Variants in CEACAM18 observed in about 807,000 individuals in gnomAD.
CEACAM18 encodes the protein cell adhesion molecule CEACAM18.
Under a neutral mutation model 34.3 loss-of-function variants are expected in CEACAM18, and 33 were observed. The ratio of observed to expected loss-of-function variants is 0.96; its 90% confidence interval spans 0.73 to 1.29. The LOEUF (loss-of-function observed/expected upper bound fraction) is 1.29. CEACAM18 is among the 50% of genes most tolerant of loss of function. The pLI is 0.00. For missense variants in CEACAM18, 474 were observed against 485.0 expected, an observed-to-expected ratio of 0.98 and a Z score of 0.21; for synonymous variants, 169 against 180.9, an observed-to-expected ratio of 0.93 and a Z score of 0.53.
rs748476813 is a variant in CEACAM18, at chr19:51,481,543, C to A, written c.551C>A (p.Ser184Tyr). Residue 184 changes from serine (S) to tyrosine (Y), a missense_variant, in exon 3 of 6, where the codon TCC (serine) becomes TAC (tyrosine). Transcript: ENST00000396477. ...TCTAGTAGTGACCGGATGACAATTTCCCCAGACGGCAAGACCCTCGTCATC... is the reference window on the plus strand; with the variant it reads ...TCTAGTAGTGACCGGATGACAATTTACCCAGACGGCAAGACCCTCGTCATC... 6.2e-6 allele frequency: 10 copies of A among 1,613,970 alleles called. No homozygotes were observed. The Admixed American group carries it at 1.5e-4, about 24-fold the overall frequency.
rs1568524875 is a variant in CEACAM18 at position 51,485,130 on chromosome 19, C to T, written c.1089+8C>T. 4 of 1,499,108 alleles carry T rather than the reference C, an allele frequency of 2.7e-6. No homozygotes were observed. Among genetic ancestry groups the T allele is most frequent in the Non-Finnish European group, 2.7e-6 (3 of 1,126,392 alleles). The allele number at this position is 1,499,108 out of a possible 1,614,324, so 92.9% of individuals were successfully genotyped here. On this transcript the variant is annotated splice_region_variant and intron_variant, in intron 5 of 5. Transcript: ENST00000396477. The stretch of plus-strand genomic sequence containing the variant: ...CAACCACTACTCAATCAGGTGCCCT[C>T]ATTGCTCTGGGACAAGGGTGGGATG...
chr19:51,485,971 T>C (rs1989993048), intron 5 of CEACAM18, among the ~76,000 whole-genome samples: 1 of 152,160 alleles, frequency 6.6e-6, no homozygotes, highest in Non-Finnish European at 1.5e-5. Context: ...GAGTAGATGT[T>C]AGAAAGTGCA....
rs1357801496 is a variant in CEACAM18 at position 51,481,652 on chromosome 19, TCTGA to T, written c.664_667del (p.Thr222TrpfsTer10). 1.9e-6 allele frequency: 3 copies of T among 1,612,004 alleles called. No individual in the cohort carries two copies. The highest frequency in any genetic ancestry group is 2.2e-5 in the South Asian group (2 of 90,992). ...TCTTTCAGAGAAGTGAACGCATCTC[TCTGA>T]CTGTGGCCTGTGAGTGGTCTGGGCT... is the stretch of plus-strand genomic sequence containing the variant. On this transcript the variant is annotated frameshift_variant, in exon 3 of 6. Coordinates refer to ENST00000396477, the Ensembl canonical transcript of CEACAM18. LOFTEE classifies it high-confidence loss of function.
chr19:51,480,888 A>G (rs915783298), intron 2 of CEACAM18, among the ~76,000 whole-genome samples: 1 of 152,156 alleles, frequency 6.6e-6, no homozygotes, highest in Non-Finnish European at 1.5e-5. Flanking sequence ...TGTATTTGAC[A>G]GTGGCTGCAA....
At chr19:51,483,850 T>C (rs1253617654) in intron 4 of CEACAM18, among the ~76,000 whole-genome samples, 1 of 152,088 alleles carries the variant, frequency 6.6e-6, no homozygotes, top group African/African-American at 2.4e-5. Context: ...AAACTTGGCT[T>C]GGGAGTGAAT....
chr19:51,486,556 G>A (rs1424657169), intron 5 of CEACAM18, among the ~76,000 whole-genome samples: 1 of 152,032 alleles, frequency 6.6e-6, no homozygotes, highest in Non-Finnish European at 1.5e-5. Context: ...GTCTAGGAAG[G>A]AGAGCCCTCA....
exon 6 of CEACAM18, chr19:51,490,677 G>A (rs935106347): frequency 8.3e-7 from 1 of 1,208,764 alleles, no homozygotes; most frequent in East Asian, 3.2e-5. Flanking sequence ...AGAAGGGCTG[G>A]GGGTCCCCAT....
Position 51,481,673 on chromosome 19 carries a change from G to C in CEACAM18, c.673+8G>C. On this transcript the variant is annotated splice_region_variant and intron_variant, in intron 3 of 5. Coordinates refer to ENST00000396477, the Ensembl canonical transcript of CEACAM18. Reference sequence around the variant, plus strand: ...TCTCTCTGACTGTGGCCTGTGAGTGGTCTGGGCTCCTGGGACTGAAGCCAG... The same window carrying C: ...TCTCTCTGACTGTGGCCTGTGAGTGCTCTGGGCTCCTGGGACTGAAGCCAG... The C allele has an allele frequency of 6.2e-7, 1 of 1,607,072 alleles. No individual in the cohort carries two copies. The highest frequency in any genetic ancestry group is 8.5e-7 in the Non-Finnish European group (1 of 1,174,948).
chr19:51,485,412 A>G (rs766446185), intron 5 of CEACAM18, among the ~76,000 whole-genome samples: 2 of 152,180 alleles, frequency 1.3e-5, no homozygotes, highest in African/African-American at 4.8e-5. Flanking sequence ...AGGGACAGGT[A>G]AAAAAATGAG....
exon 4 of CEACAM18, chr19:51,483,025 G>C: frequency 1.2e-6 from 2 of 1,613,858 alleles, no homozygotes; most frequent in Non-Finnish European, 1.7e-6. Flanking sequence ...AGATGGGCCC[G>C]ACTATGTGCT....
At chr19:51,490,617 A>G in exon 6 of CEACAM18, 1 of 1,232,450 alleles carries the variant, frequency 8.1e-7, no homozygotes, top group Non-Finnish European at 1.0e-6. Context: ...TGTCCACCCC[A>G]GACCTGAGGA....
intron 3 of CEACAM18, 43 bp from the exon 4 acceptor site, chr19:51,482,974 G>A: frequency 1.3e-6 from 2 of 1,598,990 alleles, no homozygotes; most frequent in Non-Finnish European, 1.7e-6. Context: ...GGGACGCCGA[G>A]GGGTCAGAAA....
At chr19:51,490,185 G>A (rs921575114) in intron 5 of CEACAM18, among the ~76,000 whole-genome samples, 9 of 152,172 alleles carry the variant, frequency 5.9e-5, no homozygotes, top group Non-Finnish European at 1.0e-4. Flanking sequence ...TATCTGTCTT[G>A]CTTGGCTGTT....
Position 51,483,805 on chromosome 19 carries a change from C to T in CEACAM18, c.953+509C>T, listed in dbSNP as rs377592318. ...AAGACGCAGGGACGGGATGGGTGGA[C>T]GGGGAGTAGAGATTTGGCATGGCCA... On this transcript the variant is annotated intron_variant, in intron 4 of 5. Transcript: ENST00000396477. Among the ~76,000 whole-genome samples, 15 of 152,242 alleles carry T rather than the reference C, an allele frequency of 9.9e-5. No individual in the cohort carries two copies. The East Asian group carries it at 1.9e-3, about 20-fold the overall frequency.
At chr19:51,478,643 A>G (rs1221221589) in exon 1 of CEACAM18, 6 of 1,553,232 alleles carry the variant, frequency 3.9e-6, no homozygotes, top group Non-Finnish European at 5.2e-6. Flanking sequence ...CAGGCAGCTC[A>G]TGGACCTTTC....
chr19:51,487,224 C>G (rs1380970588), intron 5 of CEACAM18, among the ~76,000 whole-genome samples: 2 of 152,082 alleles, frequency 1.3e-5, no homozygotes, highest in Non-Finnish European at 2.9e-5. Context: ...CCTGTAATCC[C>G]AACATTTTGG....
intron 5 of CEACAM18, among the ~76,000 whole-genome samples, 186 bp downstream of exon 5, chr19:51,485,308 G>T (rs1012884533): frequency 1.3e-5 from 2 of 152,152 alleles, no homozygotes; most frequent in East Asian, 1.9e-4. Context: ...GCAAGAGAGG[G>T]TTTAGAGTCG....
chr19:51,480,802 T>C, intron 2 of CEACAM18, 122 bp downstream of exon 2: 1 of 881,786 alleles, frequency 1.1e-6, no homozygotes, highest in Non-Finnish European at 1.7e-6. Flanking sequence ...CCCTGGAATC[T>C]TGTGTACCAT....
chr19:51,490,512 CCT>C (rs1990073099), intron 5 of CEACAM18, 73 bp from the exon 6 acceptor site: 1 of 1,207,406 alleles, frequency 8.3e-7, no homozygotes, highest in Non-Finnish European at 1.0e-6. Context: ...GGCCCCTTCA[CCT>C]CTCTCTATCC....
Sources: gnomAD v4.1 joint callset for allele counts (sites outside exome capture counted in the v4.1 genomes callset) on GRCh38, gnomAD v4.1.1 for gene constraint, MANE v1.5 for transcripts, NCBI Gene and HGNC (gene_info 2026-07-23, HGNC 2026-07-21) for gene names.